The following HMGA2 variants were observed in gnomAD, a reference collection of about 807,000 sequenced individuals.
The protein encoded by HMGA2 is high mobility group AT-hook 2, also known as high mobility group protein HMGI-C.
HMGA2 carries 8 observed loss-of-function variants against 19.1 expected under a neutral mutation model. The ratio of observed to expected loss-of-function variants is 0.42; its 90% CI spans 0.25 to 0.76. The LOEUF is 0.76. Among genes scored for constraint, HMGA2 ranks in the 30% least tolerant of loss-of-function variants. HMGA2 has a pLI of 0.28. For missense variants in HMGA2, 109 were observed against 136.3 expected, an observed-to-expected ratio of 0.80 and a Z score of 1.00; for synonymous variants, 60 against 48.8, an observed-to-expected ratio of 1.23 and a Z score of -0.96.
At chr12:65,953,731 A>G (rs928202780) in intron 4 of HMGA2, 3 of 152,198 alleles carry the variant, frequency 2.0e-5, no homozygotes, top group Non-Finnish European at 4.4e-5. Context: ...AAAAAAGAAC[A>G]TGAGCTCATT....
At chr12:65,889,915 G>A (rs1873831552) in intron 3 of HMGA2, among the ~76,000 whole-genome samples, 1 of 152,086 alleles carries the variant, frequency 6.6e-6, no homozygotes, top group South Asian at 2.1e-4. Flanking sequence ...CCACTCACAT[G>A]GAAATCACTC....
chr12:65,859,148 TCCTG>T (rs1167893761), intron 3 of HMGA2: 1 of 152,284 alleles, frequency 6.6e-6, no homozygotes, highest in Non-Finnish European at 1.5e-5. Flanking sequence ...AGATTTCCTG[TCCTG>T]CTAGGTCATC....
At chr12:65,935,132 G>T (rs889011121) in intron 3 of HMGA2, 4 of 152,226 alleles carry the variant, frequency 2.6e-5, no homozygotes, top group African/African-American at 9.6e-5. Flanking sequence ...TGTTGCGTCT[G>T]TTGGGGAAGC....
At chr12:65,915,604 T>G in intron 3 of HMGA2, 1 of 991,810 alleles carries the variant, frequency 1.0e-6, no homozygotes, top group Non-Finnish European at 1.2e-6. Flanking sequence ...TTTTCCTGTG[T>G]CTTTTATCCT....
At chr12:65,918,783 G>A (rs1372280608) in intron 3 of HMGA2, among the ~76,000 whole-genome samples, 1 of 152,064 alleles carries the variant, frequency 6.6e-6, no homozygotes, top group African/African-American at 2.4e-5. Flanking sequence ...CTCCCATAAG[G>A]GCAACAGAGA....
intron 3 of HMGA2, among the ~76,000 whole-genome samples, chr12:65,906,565 G>T (rs1480710703): frequency 6.6e-6 from 1 of 152,126 alleles, no homozygotes; most frequent in Non-Finnish European, 1.5e-5. Flanking sequence ...GCAAGAAGGT[G>T]ACTCTCTAGT....
intron 3 of HMGA2, among the ~76,000 whole-genome samples, chr12:65,950,788 T>C (rs1428072728): frequency 4.6e-5 from 7 of 152,350 alleles, no homozygotes; most frequent in Admixed American, 2.6e-4. Flanking sequence ...TTGTGATATA[T>C]AGGCTAAAAA....
At chr12:65,925,280 T>A (rs1331763444) in intron 3 of HMGA2, among the ~76,000 whole-genome samples, 1 of 152,176 alleles carries the variant, frequency 6.6e-6, no homozygotes, top group East Asian at 1.9e-4. Context: ...CTCAAACGTG[T>A]CCCAAATTTG....
intron 3 of HMGA2, among the ~76,000 whole-genome samples, chr12:65,861,496 A>T (rs1273206558): frequency 6.6e-6 from 1 of 152,232 alleles, no homozygotes; most frequent in African/African-American, 2.4e-5. Flanking sequence ...TTATTTTTTA[A>T]TCATCATTTT....
intron 3 of HMGA2, among the ~76,000 whole-genome samples, chr12:65,899,681 C>A (rs1874292654): frequency 6.6e-6 from 1 of 152,236 alleles, no homozygotes; most frequent in Admixed American, 6.5e-5. Flanking sequence ...TCATGGTCTG[C>A]ACCCTTCAGG....
chr12:65,923,511 C>G (rs1875394377), intron 3 of HMGA2, among the ~76,000 whole-genome samples: 1 of 152,188 alleles, frequency 6.6e-6, no homozygotes, highest in Non-Finnish European at 1.5e-5. Context: ...CTCCCCTTGC[C>G]AGCTACAGCA....
chr12:65,946,782 C>A (rs1382221967), intron 3 of HMGA2, among the ~76,000 whole-genome samples: 1 of 152,126 alleles, frequency 6.6e-6, no homozygotes, highest in African/African-American at 2.4e-5. Flanking sequence ...TCTACAAAAT[C>A]TTAAAAATCC....
At chr12:65,870,673 G>A (rs1872666350) in intron 3 of HMGA2, among the ~76,000 whole-genome samples, 1 of 152,248 alleles carries the variant, frequency 6.6e-6, no homozygotes, top group Admixed American at 6.5e-5. Context: ...AGGTTTCAGT[G>A]AGCCGAGATC....
intron 3 of HMGA2, among the ~76,000 whole-genome samples, 190 bp from the exon 4 acceptor site, chr12:65,951,193 C>T (rs951468091): frequency 3.9e-5 from 6 of 152,072 alleles, no homozygotes; most frequent in Non-Finnish European, 7.4e-5. Flanking sequence ...CCTCCCAAAG[C>T]GCTGGGATTA....
chr12:65,875,214 G>T (rs921347707), intron 3 of HMGA2, among the ~76,000 whole-genome samples: 2 of 152,070 alleles, frequency 1.3e-5, no homozygotes, highest in Non-Finnish European at 2.9e-5. Flanking sequence ...GTACCTGCTT[G>T]CTTTGCTTGT....
At chr12:65,839,718 C>T (rs902520047) in intron 3 of HMGA2, among the ~76,000 whole-genome samples, 2 of 152,116 alleles carry the variant, frequency 1.3e-5, no homozygotes, top group Non-Finnish European at 2.9e-5. Context: ...TTTCATTCAA[C>T]CTTCTGTTCA....
chr12:65,897,775 C>T (rs758483830), intron 3 of HMGA2, among the ~76,000 whole-genome samples: 89 of 152,224 alleles, frequency 5.8e-4, no homozygotes, highest in African/African-American at 1.6e-3. Flanking sequence ...CCCTGGCCAA[C>T]GTGGTAAAAC....
intron 3 of HMGA2, among the ~76,000 whole-genome samples, chr12:65,847,181 T>C (rs1448975721): frequency 6.6e-6 from 1 of 152,136 alleles, no homozygotes; most frequent in Non-Finnish European, 1.5e-5. Context: ...TCACAGCAAA[T>C]ATATAAGCTA....
At chr12:65,875,000 C>A (rs1198045756) in intron 3 of HMGA2, among the ~76,000 whole-genome samples, 7 of 152,144 alleles carry the variant, frequency 4.6e-5, no homozygotes, top group Admixed American at 4.6e-4. Context: ...TCCCCGCCCC[C>A]CCAGTAATAC....
Sources: allele counts gnomAD v4.1 joint callset (sites outside exome capture counted in the v4.1 genomes callset), GRCh38; gene constraint gnomAD v4.1.1; transcripts MANE v1.5; gene names NCBI Gene and HGNC (gene_info 2026-07-23, HGNC 2026-07-21).